The following C1D variants were observed in gnomAD, a reference collection of about 807,000 sequenced individuals.
The protein encoded by C1D is C1D nuclear receptor corepressor, also known as nuclear nucleic acid-binding protein C1D.
A neutral mutation model predicts 17.5 loss-of-function variants in C1D; 10 were observed. That is an observed-to-expected ratio of 0.57 (90% CI 0.35 to 0.97). The LOEUF is 0.97. Ranked by LOEUF, C1D falls within the 50% of genes least tolerant of loss-of-function variation. C1D has a pLI of 0.01. For missense variants in C1D, 136 were observed against 160.1 expected (o/e 0.85, Z 0.81); for synonymous variants, 49 against 54.0 (o/e 0.91, Z 0.40).
In C1D at chr2:68,052,623, G is replaced by GA. The variant is rs1291146133; in HGVS notation, c.-9-5305dup. 8.5e-5 allele frequency among the ~76,000 whole-genome samples: 13 copies of GA among 152,242 alleles called. No individual in the cohort carries two copies. The East Asian group carries it at 1.5e-3, about 18-fold the overall frequency. ...GTTAGAACAGGTTAGGGTGAACACTGAAAGCATGGTAGTAAGTAAGAATAA... is the reference window on the plus strand; with the variant it reads ...GTTAGAACAGGTTAGGGTGAACACTGAAAAGCATGGTAGTAAGTAAGAATAA... On this transcript the variant is annotated intron_variant, in intron 1 of 4. Transcript: ENST00000410067.
Position 68,041,384 on chromosome 2 carries a change from C to T in C1D, c.*1505G>A, listed in dbSNP as rs1444950040. 6.6e-6 allele frequency: 1 copy of T among 151,846 alleles called. No individual in the cohort carries two copies. Among genetic ancestry groups the T allele is most frequent in the Non-Finnish European group, 1.5e-5 (1 of 67,832 alleles). The allele number at this position is 151,846 out of a possible 1,614,324, so 9.4% of individuals were successfully genotyped here. A position where few individuals can be genotyped will look rare whatever the true frequency, so the allele number is the denominator to read the frequency against. On this transcript the variant is annotated 3_prime_UTR_variant, in exon 5 of 5. Transcript: ENST00000410067. ...TGAAATTAGAAAATATACAGAAATC[C>T]AAATAAATTTCTTTGCAATAAATAA... is the stretch of plus-strand genomic sequence containing the variant.
At chr2:68,055,476 CAAA>C (rs112320731) in intron 1 of C1D, among the ~76,000 whole-genome samples, 1 of 133,728 alleles carries the variant, frequency 7.5e-6, no homozygotes. Context: ...CAGCATGAAG[CAAA>C]AAAAAAAAAG....
rs1363739863 is a variant in C1D at position 68,041,859 on chromosome 2, G to A, written c.*1030C>T. ...TTAAGGGCATATAATTAAAATTCAT[G>A]GGCTTAGACATTTAAAAAAAGGTTT... On this transcript the variant is annotated 3_prime_UTR_variant, in exon 5 of 5. Coordinates refer to ENST00000410067, the MANE Select transcript of C1D (RefSeq NM_173177.3). 1.3e-5 allele frequency: 2 copies of A among 151,846 alleles called. No individual in the cohort carries two copies. Among genetic ancestry groups the A allele is most frequent in the African/African-American group, 2.4e-5 (1 of 41,366 alleles). The allele number at this position is 151,846 out of a possible 1,614,324, so 9.4% of individuals were successfully genotyped here.
At chr2:68,055,711 G>C (rs1671419893) in intron 1 of C1D, among the ~76,000 whole-genome samples, 2 of 152,084 alleles carry the variant, frequency 1.3e-5, no homozygotes, top group South Asian at 4.1e-4. Flanking sequence ...AAATTTCCCT[G>C]TCTTTTGAGG....
At chr2:68,046,454 G>C in intron 2 of C1D, 44 bp from the exon 3 acceptor site, 6 of 1,312,436 alleles carry the variant, frequency 4.6e-6, no homozygotes, top group Non-Finnish European at 6.5e-6. Flanking sequence ...AAGTGAGACA[G>C]AAAAAAAATA....
At chr2:68,052,035 A>G (rs577481797) in intron 1 of C1D, among the ~76,000 whole-genome samples, 2 of 152,276 alleles carry the variant, frequency 1.3e-5, no homozygotes, top group African/African-American at 4.8e-5. Context: ...ATATTCATCG[A>G]CAGGGAAACA....
At chr2:68,061,638 T>C (rs1671632000) in intron 1 of C1D, among the ~76,000 whole-genome samples, 1 of 152,134 alleles carries the variant, frequency 6.6e-6, no homozygotes, top group Admixed American at 6.5e-5. Context: ...TAAAAGCCAT[T>C]AGAACGGGGC....
In C1D at chr2:68,047,251, C is replaced by G. The variant is rs143265106; in HGVS notation, c.60G>C (p.Ala20=). 5 of 1,612,578 alleles carry G rather than the reference C, an allele frequency of 3.1e-6. No homozygotes were observed. The African/African-American group carries it at 6.7e-5, about 22-fold the overall frequency. The change falls in exon 2 of 5, where the codon GCG becomes GCC. Residue 20 remains alanine, a synonymous_variant. Transcript: ENST00000410067. ...CCACAGCACCAATGGAATTCTCAAA[C>G]GCTGACAAATACTCGTGAATTTCTA... The part of the protein sequence containing the change: ...YPVEIHEYLS[A]FENSIGAVDE...
chr2:68,061,976 C>T (rs1671643204), intron 1 of C1D, among the ~76,000 whole-genome samples: 1 of 152,212 alleles, frequency 6.6e-6, no homozygotes, highest in Non-Finnish European at 1.5e-5. Context: ...TTCCACCAAA[C>T]ACAAACATTT....
chr2:68,047,075 G>A, intron 2 of C1D, 98 bp downstream of exon 2: 1 of 1,083,278 alleles, frequency 9.2e-7, no homozygotes, highest in Non-Finnish European at 1.3e-6. Flanking sequence ...AGGGGAAAAG[G>A]GGCATAGGTC....
At chr2:68,061,799 G>A (rs1159567069) in intron 1 of C1D, among the ~76,000 whole-genome samples, 1 of 152,206 alleles carries the variant, frequency 6.6e-6, no homozygotes, top group Non-Finnish European at 1.5e-5. Context: ...AGAGCCATTT[G>A]AAAAGGTAAA....
chr2:68,053,382 T>C, intron 1 of C1D: 1 of 647,260 alleles, frequency 1.5e-6, no homozygotes, highest in Non-Finnish European at 2.4e-6. Context: ...TTCCTTTAAT[T>C]CTCCACTTCA....
chr2:68,046,288 A>G (rs868351210), intron 3 of C1D, 56 bp downstream of exon 3: 2 of 1,254,866 alleles, frequency 1.6e-6, no homozygotes, highest in Non-Finnish European at 2.3e-6. Context: ...AAAATAAATC[A>G]TCTTTCACAC....
chr2:68,045,950 C>A (rs749414447), intron 4 of C1D, 38 bp downstream of exon 4: 32 of 1,406,646 alleles, frequency 2.3e-5, no homozygotes, highest in Non-Finnish European at 3.1e-5. Flanking sequence ...AGGAATACAA[C>A]AACAAACACA....
At chr2:68,052,118 T>G (rs1009744523) in intron 1 of C1D, among the ~76,000 whole-genome samples, 2 of 151,874 alleles carry the variant, frequency 1.3e-5, no homozygotes, top group African/African-American at 4.8e-5. Context: ...TAAATCTATA[T>G]ATAGTGACAC....
intron 1 of C1D, among the ~76,000 whole-genome samples, chr2:68,049,446 T>C (rs1237403417): frequency 6.6e-6 from 1 of 152,194 alleles, no homozygotes; most frequent in Non-Finnish European, 1.5e-5. Flanking sequence ...TGTAGAATTT[T>C]GAACCAATAA....
At chr2:68,058,025 G>A (rs913821273) in intron 1 of C1D, among the ~76,000 whole-genome samples, 7 of 152,148 alleles carry the variant, frequency 4.6e-5, no homozygotes, top group African/African-American at 9.7e-5. Flanking sequence ...CATTCCTAAC[G>A]AAATTCACAA....
chr2:68,051,234 G>A (rs1467672579), intron 1 of C1D, among the ~76,000 whole-genome samples: 1 of 152,196 alleles, frequency 6.6e-6, no homozygotes, highest in Non-Finnish European at 1.5e-5. Context: ...AATCCTTACA[G>A]TGGGCCCGGC....
chr2:68,060,530 C>T (rs924034403), intron 1 of C1D, among the ~76,000 whole-genome samples: 1 of 152,048 alleles, frequency 6.6e-6, no homozygotes, highest in African/African-American at 2.4e-5. Context: ...GTAATCCCAG[C>T]TACTCCGGAG....
Sources: gnomAD v4.1 joint callset for allele counts (sites outside exome capture counted in the v4.1 genomes callset) on GRCh38, gnomAD v4.1.1 for gene constraint, MANE v1.5 for transcripts, NCBI Gene and HGNC (gene_info 2026-07-23, HGNC 2026-07-21) for gene names.